Variants in SORBS2 observed in about 807,000 individuals in gnomAD.
SORBS2 encodes the protein sorbin and SH3 domain containing 2, also known as sorbin and SH3 domain-containing protein 2.
In SORBS2, 46 loss-of-function variants were observed where a neutral mutation model predicts 97.7. The observed-to-expected ratio is 0.47, with a 90% CI of 0.37 to 0.60. The LOEUF is 0.60. SORBS2 is among the 20% of genes least tolerant of loss of function. The pLI is 0.00. For missense variants in SORBS2, 1,316 were observed against 1,282.3 expected (o/e 1.03, Z -0.40); for synonymous variants, 476 against 473.4 (o/e 1.01, Z -0.07).
chr4:185,899,327 G>A (rs777955320), intron 1 of SORBS2, among the ~76,000 whole-genome samples: 44 of 152,186 alleles, frequency 2.9e-4, no homozygotes, highest in Non-Finnish European at 5.7e-4. Flanking sequence ...ATCAGGACCC[G>A]TTCTCTGTGT....
At chr4:185,866,991 G>GTTTAT (rs539165354) in intron 1 of SORBS2, among the ~76,000 whole-genome samples, 368 of 152,030 alleles carry the variant, frequency 2.4e-3, no homozygotes, top group Admixed American at 4.2e-3. Context: ...AATATTAAAG[G>GTTTAT]TTTATTTTAT....
intron 2 of SORBS2, among the ~76,000 whole-genome samples, chr4:185,753,200 T>C (rs1584167630): frequency 6.6e-6 from 1 of 152,344 alleles, no homozygotes; most frequent in South Asian, 2.1e-4. Flanking sequence ...CAATTCTGTA[T>C]TCACCATTCT....
At chr4:185,693,962 T>G (rs574510869) in intron 2 of SORBS2, among the ~76,000 whole-genome samples, 1 of 152,252 alleles carries the variant, frequency 6.6e-6, no homozygotes, top group African/African-American at 2.4e-5. Flanking sequence ...GCTTTTTAAC[T>G]TCCCATTGTT....
At chr4:185,829,626 G>A (rs1470026058) in intron 1 of SORBS2, among the ~76,000 whole-genome samples, 1 of 152,160 alleles carries the variant, frequency 6.6e-6, no homozygotes, top group African/African-American at 2.4e-5. Context: ...GAGGCAGAGT[G>A]AGCATCTCTC....
intron 1 of SORBS2, among the ~76,000 whole-genome samples, chr4:185,955,943 C>G (rs1208050937): frequency 6.6e-6 from 1 of 151,894 alleles, no homozygotes; most frequent in East Asian, 1.9e-4. Flanking sequence ...AGCTTACCTT[C>G]GCAACAATAG....
intron 4 of SORBS2, among the ~76,000 whole-genome samples, chr4:185,670,705 A>G (rs1276009230): frequency 6.6e-6 from 1 of 151,642 alleles, no homozygotes; most frequent in Non-Finnish European, 1.5e-5. Flanking sequence ...TAAAAAAACC[A>G]ATCTTTACCT....
At chr4:185,814,415 C>A (rs1458142646) in intron 1 of SORBS2, among the ~76,000 whole-genome samples, 3 of 151,686 alleles carry the variant, frequency 2.0e-5, no homozygotes, top group Non-Finnish European at 2.9e-5. Flanking sequence ...GTGGTGCACG[C>A]CTGTGGTCCC....
intron 1 of SORBS2, among the ~76,000 whole-genome samples, chr4:185,832,669 A>T (rs1448057390): frequency 6.6e-6 from 1 of 152,212 alleles, no homozygotes; most frequent in Non-Finnish European, 1.5e-5. Context: ...TTGGTCTAGG[A>T]TGTGCACAGT....
intron 1 of SORBS2, among the ~76,000 whole-genome samples, chr4:185,941,422 A>T (rs763312121): frequency 6.6e-6 from 1 of 152,124 alleles, no homozygotes; most frequent in Admixed American, 6.5e-5. Flanking sequence ...TACTATCTCC[A>T]TGAGAACATG....
chr4:185,844,245 T>G (rs2153678408), intron 1 of SORBS2, among the ~76,000 whole-genome samples: 1 of 152,216 alleles, frequency 6.6e-6, no homozygotes, highest in South Asian at 2.1e-4. Context: ...AACTCAAAAC[T>G]ATAAAGCTAA....
intron 1 of SORBS2, among the ~76,000 whole-genome samples, chr4:185,784,003 C>T (rs79785877): frequency 0.034 from 5,153 of 152,266 alleles, 424 homozygotes; most frequent in East Asian, 0.19. Flanking sequence ...CCTGACAGTA[C>T]GGCCAGTTAA....
At chr4:185,945,226 G>A (rs1039254299) in intron 1 of SORBS2, among the ~76,000 whole-genome samples, 4 of 152,184 alleles carry the variant, frequency 2.6e-5, no homozygotes, top group African/African-American at 9.7e-5. Flanking sequence ...TGTTGATACA[G>A]TAACCATTGC....
At position 185,624,076 on chromosome 4, in the gene SORBS2, C is replaced by T. The variant is rs374941995; in HGVS notation, c.1053G>A (p.Pro351=). Residue 351 remains proline, a synonymous_variant, in exon 7 of 15, where the codon CCG becomes CCA. Coordinates refer to ENST00000418609, the Ensembl canonical transcript of SORBS2. ...TTTTCTTGTACATCTTCAGGAACCCCGGGGCGTTGCGGGCTGACCTGTGTC... is the reference window on the plus strand; with the variant it reads ...TTTTCTTGTACATCTTCAGGAACCCTGGGGCGTTGCGGGCTGACCTGTGTC... 32 of 1,614,140 alleles carry T rather than the reference C, an allele frequency of 2.0e-5. No individual in the cohort carries two copies. The African/African-American group carries it at 2.1e-4, about 11-fold the overall frequency.
chr4:185,939,899 T>C (rs1021171536), intron 1 of SORBS2, among the ~76,000 whole-genome samples: 2 of 152,138 alleles, frequency 1.3e-5, no homozygotes, highest in African/African-American at 4.8e-5. Flanking sequence ...ACCATTCTCA[T>C]CATAGTCACC....
At chr4:185,587,638 T>C (rs574958168) in exon 15 of SORBS2, 2 of 1,613,390 alleles carry the variant, frequency 1.2e-6, no homozygotes, top group Non-Finnish European at 1.7e-6. Context: ...CACAGCCTCT[T>C]GACGTAGTTT....
intron 1 of SORBS2, among the ~76,000 whole-genome samples, chr4:185,869,501 C>T (rs2099229206): frequency 6.6e-6 from 1 of 152,258 alleles, no homozygotes; most frequent in South Asian, 2.1e-4. Context: ...CAGATGGCTG[C>T]TGCACCCTCA....
At chr4:185,618,036 G>A (rs1225279526) in intron 9 of SORBS2, among the ~76,000 whole-genome samples, 22 of 152,092 alleles carry the variant, frequency 1.4e-4, no homozygotes, top group African/African-American at 4.6e-4. Flanking sequence ...GTGCAGTGGC[G>A]CAACCTCAGC....
rs35791068 is a variant in SORBS2, at chr4:185,628,330, G to GAAA, written c.447-1314_447-1312dup. 3.1e-3 allele frequency among the ~76,000 whole-genome samples: 446 copies of GAAA among 144,088 alleles called. 3 individuals are homozygous for GAAA. The highest frequency in any genetic ancestry group is 4.9e-3 in the Admixed American group (70 of 14,420). The allele number at this position is 144,088 out of a possible 152,430, so 94.5% of individuals were successfully genotyped here. A position where few individuals can be genotyped will look rare whatever the true frequency, so the allele number is the denominator to read the frequency against. On this transcript the variant is annotated intron_variant, in intron 5 of 14. Transcript: ENST00000418609. ...GGCATACCAAATACAGGAAATAACTGAAAAAAAAAAAAGACATCAAGAGAG... is the reference window on the plus strand; with the variant it reads ...GGCATACCAAATACAGGAAATAACTGAAAAAAAAAAAAAAAGACATCAAGAGAG...
intron 1 of SORBS2, among the ~76,000 whole-genome samples, chr4:185,798,708 A>T (rs544372022): frequency 2.0e-5 from 3 of 152,206 alleles, no homozygotes; most frequent in African/African-American, 4.8e-5. Context: ...TGCAACCATC[A>T]GTCCATATCT....
Sources: allele counts gnomAD v4.1 joint callset (sites outside exome capture counted in the v4.1 genomes callset), GRCh38; gene constraint gnomAD v4.1.1; transcripts MANE v1.5; gene names NCBI Gene and HGNC (gene_info 2026-07-23, HGNC 2026-07-21).